ADCY5: variants seen among roughly 807,000 people sequenced by gnomAD.
ADCY5 encodes the protein adenylate cyclase 5.
In ADCY5, 30 loss-of-function variants were observed where a neutral mutation model predicts 119.7. The observed-to-expected ratio is 0.25, with a 90% CI of 0.19 to 0.34. The LOEUF (loss-of-function observed/expected upper bound fraction) is 0.34. Ranked by LOEUF, ADCY5 falls within the 10% of genes least tolerant of loss-of-function variation. ADCY5 has a pLI of 1.00. For synonymous variants in ADCY5, 753 were observed against 762.2 expected (o/e 0.99, Z 0.20); for missense variants, 1,324 against 1,775.2 (o/e 0.75, Z 4.57).
Position 123,325,368 on chromosome 3 carries a change from T to C in ADCY5, c.2042A>G (p.Tyr681Cys), listed in dbSNP as rs764333445. 2.9e-5 allele frequency: 46 copies of C among 1,614,036 alleles called. No homozygotes were observed. Among genetic ancestry groups the C allele is most frequent in the African/African-American group, 1.9e-4 (14 of 74,940 alleles). The stretch of plus-strand genomic sequence containing the variant: ...CACCTGGTTGCCACCCAGGTGGTTG[T>C]AGAAGGGGCGCTCAGCCCCCCAGTG... ...PPHWGAERPFYNHLGGNQVSK... is the reference protein window; with the variant it reads ...PPHWGAERPFCNHLGGNQVSK... Residue 681 changes from tyrosine to cysteine, a missense_variant, in exon 8 of 21, where the codon TAC becomes TGC. Around this residue, in one of 6 missense-constraint regions of ADCY5, gnomAD observed 424 missense variants for 546.8 expected, o/e 0.78. Coordinates refer to ENST00000462833, the MANE Select transcript of ADCY5 (RefSeq NM_183357.3).
intron 1 of ADCY5, among the ~76,000 whole-genome samples, chr3:123,358,304 C>G (rs909480785): frequency 6.6e-6 from 1 of 152,054 alleles, no homozygotes; most frequent in Non-Finnish European, 1.5e-5. Context: ...GTAGCCTCAG[C>G]ATCTGCTTTA....
rs777158521 is a variant in ADCY5 at position 123,447,640 on chromosome 3, G to A, written c.906C>T (p.Cys302=). ...AFHQDHMGLA[C]YALIAVVLAV... ...CCAGCACCACGGCGATGAGCGCATA[G>A]CAGGCCAGGCCCATGTGGTCCTGGT... Residue 302 remains cysteine (C), a synonymous_variant, in exon 1 of 21, where the codon TGC becomes TGT. Coordinates refer to ENST00000462833, the MANE Select transcript of ADCY5 (RefSeq NM_183357.3). The A allele has an allele frequency of 2.5e-6, 4 of 1,609,024 alleles. No individual in the cohort carries two copies. In the African/African-American group the frequency reaches 5.3e-5, roughly 21 times the overall value.
At chr3:123,437,841 C>G (rs1370084267) in intron 1 of ADCY5, among the ~76,000 whole-genome samples, 1 of 152,186 alleles carries the variant, frequency 6.6e-6, no homozygotes, top group Non-Finnish European at 1.5e-5. Context: ...GGTCATTGTG[C>G]AGACCCAACC....
chr3:123,303,957 T>C, intron 13 of ADCY5, 110 bp downstream of exon 13: 1 of 770,800 alleles, frequency 1.3e-6, no homozygotes. Context: ...GCGAAACAAA[T>C]AAGAACTTCC....
intron 1 of ADCY5, among the ~76,000 whole-genome samples, chr3:123,365,709 G>C (rs1047148670): frequency 3.3e-5 from 5 of 152,200 alleles, no homozygotes; most frequent in African/African-American, 1.2e-4. Flanking sequence ...GCTGAAAAGA[G>C]ATGGATAAGC....
chr3:123,361,666 T>C (rs1301989803), intron 1 of ADCY5, among the ~76,000 whole-genome samples: 3 of 152,200 alleles, frequency 2.0e-5, no homozygotes, highest in African/African-American at 7.2e-5. Context: ...GAGAATCCTT[T>C]ATCCGAAATG....
intron 1 of ADCY5, among the ~76,000 whole-genome samples, chr3:123,385,169 T>C (rs181253475): frequency 4.1e-3 from 617 of 151,862 alleles, no homozygotes; most frequent in Non-Finnish European, 7.0e-3. Flanking sequence ...TCTGGATGGC[T>C]CTATCTAAGC....
intron 1 of ADCY5, among the ~76,000 whole-genome samples, chr3:123,441,894 C>T (rs1380651445): frequency 6.6e-6 from 1 of 151,420 alleles, no homozygotes; most frequent in African/African-American, 2.4e-5. Flanking sequence ...GCTCACTGTC[C>T]GCTAACTAGA....
At chr3:123,350,420 T>C (rs1559828528) in intron 2 of ADCY5, among the ~76,000 whole-genome samples, 1 of 152,108 alleles carries the variant, frequency 6.6e-6, no homozygotes, top group Non-Finnish European at 1.5e-5. Flanking sequence ...TCTCAGTAAA[T>C]AGTTACTGGT....
chr3:123,421,972 T>C (rs549325464), intron 1 of ADCY5, among the ~76,000 whole-genome samples: 1 of 152,300 alleles, frequency 6.6e-6, no homozygotes, highest in South Asian at 2.1e-4. Context: ...GTGTGCATGT[T>C]GGTGTGCTGT....
intron 16 of ADCY5, among the ~76,000 whole-genome samples, chr3:123,296,458 C>T (rs539628782): frequency 2.0e-5 from 3 of 152,310 alleles, no homozygotes; most frequent in South Asian, 2.1e-4. Context: ...CCTCTCCTGA[C>T]GCCTTACAAC....
intron 3 of ADCY5, among the ~76,000 whole-genome samples, chr3:123,340,569 C>T (rs1942230841): frequency 6.6e-6 from 1 of 152,170 alleles, no homozygotes; most frequent in South Asian, 2.1e-4. Context: ...CCACAGGGCC[C>T]CTCATTTTGA....
chr3:123,297,218 C>G, intron 16 of ADCY5, 135 bp downstream of exon 16: 1 of 1,401,488 alleles, frequency 7.1e-7, no homozygotes, highest in Non-Finnish European at 1.0e-6. Context: ...AGGAACCAGC[C>G]TCCCTGTCCT....
intron 1 of ADCY5, among the ~76,000 whole-genome samples, chr3:123,356,822 A>G (rs1165869649): frequency 6.6e-6 from 1 of 152,194 alleles, no homozygotes; most frequent in African/African-American, 2.4e-5. Context: ...CACTTGCCCT[A>G]TGACCCAGCA....
intron 1 of ADCY5, among the ~76,000 whole-genome samples, chr3:123,403,443 C>A (rs1328662561): frequency 3.3e-5 from 5 of 151,078 alleles, no homozygotes; most frequent in Non-Finnish European, 5.9e-5. Context: ...GCCCTGGGTT[C>A]ATTCAAGCTG....
intron 1 of ADCY5, among the ~76,000 whole-genome samples, chr3:123,411,766 C>T (rs773676038): frequency 6.6e-6 from 1 of 152,200 alleles, no homozygotes; most frequent in African/African-American, 2.4e-5. Context: ...TCTGGGCTCA[C>T]AGCTTAACCT....
At position 123,326,453 on chromosome 3, in the gene ADCY5, T is replaced by C. The variant is rs144334727; in HGVS notation, c.1948-991A>G. On this transcript the variant is annotated intron_variant, in intron 7 of 20. Coordinates refer to ENST00000462833, the MANE Select transcript of ADCY5 (RefSeq NM_183357.3). ...TGGTGGGGGTGCCTGTTACTCTTTC[T>C]GTCTCCATTTCATCCTTTTTGGACC... Among the ~76,000 whole-genome samples, 11 of 152,322 alleles carry C rather than the reference T, an allele frequency of 7.2e-5. No homozygotes were observed. The East Asian group carries it at 2.1e-3, about 29-fold the overall frequency.
At chr3:123,343,375 C>T (rs1942376623) in intron 3 of ADCY5, among the ~76,000 whole-genome samples, 1 of 152,182 alleles carries the variant, frequency 6.6e-6, no homozygotes, top group Non-Finnish European at 1.5e-5. Flanking sequence ...GGACCATCCC[C>T]ACCCCATGTT....
intron 19 of ADCY5, among the ~76,000 whole-genome samples, chr3:123,287,440 T>A (rs1230735815): frequency 1.3e-5 from 2 of 152,190 alleles, no homozygotes; most frequent in Non-Finnish European, 2.9e-5. Flanking sequence ...CCTGCCCCCA[T>A]GTATCTGGCT....
Sources: gnomAD v4.1 joint callset for allele counts (sites outside exome capture counted in the v4.1 genomes callset) on GRCh38, gnomAD v4.1.1 for gene constraint, gnomAD v4.1.1 regional missense constraint, MANE v1.5 for transcripts, NCBI Gene and HGNC (gene_info 2026-07-23, HGNC 2026-07-21) for gene names.